ADAMTSL1: variants seen among roughly 807,000 people sequenced by gnomAD.
ADAMTSL1 encodes the protein ADAMTS like 1.
ADAMTSL1 carries 126 observed loss-of-function variants against 201.8 expected under a neutral mutation model. That is an observed-to-expected ratio of 0.62 (90% CI 0.54 to 0.72). The LOEUF is 0.72. ADAMTSL1 is among the 30% of genes least tolerant of loss of function. ADAMTSL1 has a pLI of 0.00. For synonymous variants in ADAMTSL1, 1,121 were observed against 903.4 expected (o/e 1.24, Z -4.32); for missense variants, 2,679 against 2,277.8 (o/e 1.18, Z -3.59).
At chr9:18,397,266 T>C (rs1817791076) in intron 2 of ADAMTSL1, among the ~76,000 whole-genome samples, 1 of 152,178 alleles carries the variant, frequency 6.6e-6, no homozygotes, top group Non-Finnish European at 1.5e-5. Context: ...CTTTCCCATA[T>C]GATATTATCA....
chr9:18,183,874 T>A (rs1028995794), intron 2 of ADAMTSL1, among the ~76,000 whole-genome samples: 2 of 152,200 alleles, frequency 1.3e-5, no homozygotes, highest in Non-Finnish European at 2.9e-5. Flanking sequence ...GAATTTGCAC[T>A]GAGAAATTAA....
At chr9:17,922,092 T>TC (rs1261219846) in intron 1 of ADAMTSL1, among the ~76,000 whole-genome samples, 2 of 151,542 alleles carry the variant, frequency 1.3e-5, no homozygotes, top group African/African-American at 2.4e-5. Context: ...TCAGGCTTTT[T>TC]TTTTTTTTGT....
At chr9:17,959,039 G>A (rs1442125713) in intron 1 of ADAMTSL1, among the ~76,000 whole-genome samples, 7 of 152,100 alleles carry the variant, frequency 4.6e-5, no homozygotes, top group Admixed American at 3.3e-4. Context: ...TGTGGGAATA[G>A]TAATTTAATA....
At chr9:18,824,257 C>T (rs938349541) in intron 21 of ADAMTSL1, among the ~76,000 whole-genome samples, 1 of 151,994 alleles carries the variant, frequency 6.6e-6, no homozygotes, top group Non-Finnish European at 1.5e-5. Flanking sequence ...TCATGATGCT[C>T]TTGCTCTCCC....
At chr9:18,420,063 G>A (rs1316558300) in intron 2 of ADAMTSL1, among the ~76,000 whole-genome samples, 1 of 152,142 alleles carries the variant, frequency 6.6e-6, no homozygotes, top group Non-Finnish European at 1.5e-5. Flanking sequence ...TTGCAGTGTT[G>A]TATTAGGTTG....
At chr9:18,424,803 G>A (rs1188821802) in intron 2 of ADAMTSL1, among the ~76,000 whole-genome samples, 1 of 152,152 alleles carries the variant, frequency 6.6e-6, no homozygotes, top group East Asian at 1.9e-4. Flanking sequence ...GTTTTGTGAG[G>A]AAGTGTTCTA....
chr9:18,131,258 G>T (rs10963466), intron 1 of ADAMTSL1, among the ~76,000 whole-genome samples: 61,934 of 151,958 alleles, frequency 0.41, 13,309 homozygotes, highest in South Asian at 0.48. Context: ...ACATTTTATG[G>T]TATAGTAGGT....
intron 5 of ADAMTSL1, 35 bp downstream of exon 5, chr9:18,622,404 G>C (rs1826094151): frequency 6.2e-7 from 1 of 1,613,832 alleles, no homozygotes; most frequent in Non-Finnish European, 8.5e-7. Context: ...CTTTGGACTT[G>C]TTGACTTATC....
chr9:18,811,919 A>G (rs184066905), intron 20 of ADAMTSL1, among the ~76,000 whole-genome samples: 67 of 152,306 alleles, frequency 4.4e-4, no homozygotes, highest in Admixed American at 2.9e-3. Flanking sequence ...GTATCTCAGA[A>G]ACAACAAAAC....
intron 2 of ADAMTSL1, among the ~76,000 whole-genome samples, chr9:18,234,336 C>T (rs1476951969): frequency 6.6e-6 from 1 of 151,980 alleles, no homozygotes; most frequent in Non-Finnish European, 1.5e-5. Flanking sequence ...GGGAGAAATC[C>T]AGGTGGAGAT....
intron 2 of ADAMTSL1, among the ~76,000 whole-genome samples, chr9:18,239,550 C>T (rs571717182): frequency 6.6e-6 from 1 of 151,880 alleles, no homozygotes; most frequent in Non-Finnish European, 1.5e-5. Flanking sequence ...ACCAGCCTGG[C>T]CAACATAGTG....
intron 2 of ADAMTSL1, among the ~76,000 whole-genome samples, chr9:18,315,692 G>C (rs1447403632): frequency 6.6e-6 from 1 of 152,124 alleles, no homozygotes; most frequent in Non-Finnish European, 1.5e-5. Context: ...TGCAGCCCCA[G>C]TTCCCGCCCG....
intron 14 of ADAMTSL1, among the ~76,000 whole-genome samples, chr9:18,712,478 C>A (rs1032833484): frequency 9.9e-5 from 15 of 151,692 alleles, no homozygotes; most frequent in African/African-American, 3.2e-4. Context: ...CCGATGCGAT[C>A]AACTGGAAGA....
chr9:18,846,715 A>T (rs1826141912), intron 23 of ADAMTSL1, among the ~76,000 whole-genome samples: 1 of 152,220 alleles, frequency 6.6e-6, no homozygotes, highest in Admixed American at 6.5e-5. Flanking sequence ...GCAGTATTCC[A>T]GGTAACCATA....
intron 1 of ADAMTSL1, among the ~76,000 whole-genome samples, chr9:18,108,670 A>T (rs1001790413): frequency 6.6e-6 from 1 of 151,846 alleles, no homozygotes; most frequent in Non-Finnish European, 1.5e-5. Flanking sequence ...ATTTAGAACT[A>T]TTTTTTTTAC....
At chr9:18,857,464 G>A (rs1826933097) in intron 23 of ADAMTSL1, among the ~76,000 whole-genome samples, 1 of 152,218 alleles carries the variant, frequency 6.6e-6, no homozygotes, top group African/African-American at 2.4e-5. Flanking sequence ...CAGATTGGAT[G>A]TGCCTGATGT....
At chr9:18,098,263 C>T (rs1055601557) in intron 1 of ADAMTSL1, among the ~76,000 whole-genome samples, 1 of 151,972 alleles carries the variant, frequency 6.6e-6, no homozygotes, top group African/African-American at 2.4e-5. Context: ...CTTTGTTCTT[C>T]CTTTTTCAAG....
intron 3 of ADAMTSL1, among the ~76,000 whole-genome samples, chr9:18,544,311 A>T (rs377038267): frequency 6.6e-6 from 1 of 152,294 alleles, no homozygotes; most frequent in African/African-American, 2.4e-5. Flanking sequence ...ATCAGCATTA[A>T]ACATTTCCTT....
intron 1 of ADAMTSL1, among the ~76,000 whole-genome samples, chr9:18,071,384 A>C (rs1177202187): frequency 6.6e-6 from 1 of 152,230 alleles, no homozygotes; most frequent in Non-Finnish European, 1.5e-5. Flanking sequence ...GATACTTGGA[A>C]CAACAGGGGT....
Sources: allele counts gnomAD v4.1 joint callset (sites outside exome capture counted in the v4.1 genomes callset), GRCh38; gene constraint gnomAD v4.1.1; transcripts MANE v1.5; gene names NCBI Gene and HGNC (gene_info 2026-07-23, HGNC 2026-07-21).